PTPRJ: variants seen among roughly 807,000 people sequenced by gnomAD.
PTPRJ encodes the protein protein tyrosine phosphatase receptor type J, also known as receptor-type tyrosine-protein phosphatase eta.
Under a neutral mutation model 141.3 loss-of-function variants are expected in PTPRJ, and 129 were observed. The observed-to-expected ratio is 0.91, with a 90% confidence interval of 0.79 to 1.06. The LOEUF (loss-of-function observed/expected upper bound fraction) is 1.06, where lower values mean the gene tolerates loss of function less well. PTPRJ is among the 50% of genes least tolerant of loss of function. The probability of loss-of-function intolerance (pLI) is 0.00; values close to 1 mark genes in which losing one functional copy is unlikely to be tolerated. For synonymous variants in PTPRJ, 610 were observed against 640.5 expected (o/e 0.95, Z 0.72); for missense variants, 1,601 against 1,679.7 (o/e 0.95, Z 0.82).
chr11:48,014,570 C>T (rs753435424), intron 1 of PTPRJ: 1 of 152,238 alleles, frequency 6.6e-6, no homozygotes, highest in Non-Finnish European at 1.5e-5. Context: ...ATCCCGCTTT[C>T]AAGAACTTCC....
At chr11:48,147,784 T>C (rs892270004) in intron 15 of PTPRJ, among the ~76,000 whole-genome samples, 2 of 152,108 alleles carry the variant, frequency 1.3e-5, no homozygotes, top group Non-Finnish European at 2.9e-5. Context: ...GCCGGTTCCT[T>C]GTGCTGCCAC....
At chr11:48,033,111 A>C (rs1590421040) in intron 1 of PTPRJ, among the ~76,000 whole-genome samples, 1 of 151,548 alleles carries the variant, frequency 6.6e-6, no homozygotes, top group African/African-American at 2.4e-5. Context: ...GAAAGAAGTG[A>C]CATAGGGTAA....
chr11:48,167,838 G>C lies in PTPRJ; in HGVS notation c.*476G>C, dbSNP rs1477297601. ...GTGGATGATGATTGCGCAGGGAGGGGTACGTGGCACCTCTTCCGAATGGGT... is the reference window on the plus strand; with the variant it reads ...GTGGATGATGATTGCGCAGGGAGGGCTACGTGGCACCTCTTCCGAATGGGT... On this transcript the variant is annotated 3_prime_UTR_variant, in exon 25 of 25. Transcript: ENST00000418331. 1 of 152,566 alleles carries C rather than the reference G, an allele frequency of 6.6e-6. No homozygotes were observed. Among genetic ancestry groups the C allele is most frequent in the African/African-American group, 2.4e-5 (1 of 41,432 alleles). 9.5% of individuals were successfully genotyped at this position (152,566 alleles called of 1,614,324 possible). A position where few individuals can be genotyped will look rare whatever the true frequency, so the allele number is the denominator to read the frequency against.
At chr11:48,067,210 C>G (rs1241093380) in intron 1 of PTPRJ, among the ~76,000 whole-genome samples, 1 of 152,152 alleles carries the variant, frequency 6.6e-6, no homozygotes. Flanking sequence ...TTCCTGTGAT[C>G]AAACTCACCC....
At chr11:48,109,724 G>A (rs562064668) in intron 1 of PTPRJ, among the ~76,000 whole-genome samples, 66 of 143,122 alleles carry the variant, frequency 4.6e-4, no homozygotes, top group African/African-American at 1.6e-3. Flanking sequence ...TCAGCTCATC[G>A]CACAGTGGGT....
At chr11:48,081,080 G>C (rs1277115879) in intron 1 of PTPRJ, among the ~76,000 whole-genome samples, 1 of 152,264 alleles carries the variant, frequency 6.6e-6, no homozygotes, top group Non-Finnish European at 1.5e-5. Context: ...TGGGACCCCA[G>C]AATCTGAATT....
At chr11:48,007,296 A>G (rs1854649512) in intron 1 of PTPRJ, among the ~76,000 whole-genome samples, 1 of 149,156 alleles carries the variant, frequency 6.7e-6, no homozygotes, top group South Asian at 2.1e-4. Context: ...TTTTTAGTAG[A>G]GATGGGTTTT....
At chr11:48,165,768 A>T (rs918411952) in intron 24 of PTPRJ, among the ~76,000 whole-genome samples, 2 of 152,202 alleles carry the variant, frequency 1.3e-5, no homozygotes, top group Admixed American at 6.5e-5. Flanking sequence ...AGAAACATAG[A>T]ACTCTTATCC....
chr11:48,149,926 C>T lies in PTPRJ; in HGVS notation c.3042-64C>T, dbSNP rs147814554. 9.4e-5 allele frequency: 120 copies of T among 1,271,160 alleles called. No individual in the cohort carries two copies. The African/African-American group carries it at 1.6e-3, about 17-fold the overall frequency. 78.7% of individuals were successfully genotyped at this position (1,271,160 alleles called of 1,614,324 possible). A position where few individuals can be genotyped will look rare whatever the true frequency, so the allele number is the denominator to read the frequency against. The stretch of plus-strand genomic sequence containing the variant: ...TTGTTTTGGGAAGATTGTTTACTGT[C>T]ATTTCTAGAGTATGAATGAGTCTTT... On this transcript the variant is annotated intron_variant, in intron 16 of 24. Transcript: ENST00000418331.
chr11:48,075,292 C>A (rs960772321), intron 1 of PTPRJ, among the ~76,000 whole-genome samples: 19 of 151,992 alleles, frequency 1.3e-4, no homozygotes, highest in Non-Finnish European at 2.1e-4. Flanking sequence ...TACAGGGGCC[C>A]GCTACCACGC....
Position 48,123,647 on chromosome 11 carries a change from C to T in PTPRJ, c.651C>T (p.Leu217=), listed in dbSNP as rs758018381. The stretch of plus-strand genomic sequence containing the variant: ...CAGTTTCTGATCTCCGTGTTGCCCT[C>T]ACGGGTGTGAGGAAGGCTGCTCTCT... The part of the protein sequence containing the change: ...PIPVSDLRVA[L]TGVRKAALSW... The change falls in exon 5 of 25, where the codon CTC becomes CTT. Residue 217 remains leucine, a synonymous_variant. Coordinates refer to ENST00000418331, the MANE Select transcript of PTPRJ (RefSeq NM_002843.4). The T allele has an allele frequency of 6.8e-6, 11 of 1,614,112 alleles. No individual in the cohort carries two copies. The South Asian group carries it at 1.2e-4, about 18-fold the overall frequency.
chr11:47,980,931 G>C lies in PTPRJ; in HGVS notation c.19G>C (p.Glu7Gln). ...GCGGGGCATGAAGCCGGCGGCGCGG[G>C]AGGCGCGGCTGCCTCCGCGCTCGCC... MKPAAREARLPPRSPGL... is the reference protein window; with the variant it reads MKPAARQARLPPRSPGL... Residue 7 changes from glutamate to glutamine, a missense_variant, in exon 1 of 25, where the codon GAG becomes CAG. Physicochemically the swap from Glu to Gln is conservative, Grantham distance 29. Coordinates refer to ENST00000418331, the MANE Select transcript of PTPRJ (RefSeq NM_002843.4). The C allele has an allele frequency of 8.4e-7, 1 of 1,186,184 alleles. No homozygotes were observed. The highest frequency in any genetic ancestry group is 3.6e-5 in the East Asian group (1 of 27,580). 73.5% of individuals were successfully genotyped at this position (1,186,184 alleles called of 1,614,324 possible).
intron 1 of PTPRJ, among the ~76,000 whole-genome samples, chr11:48,062,301 C>T (rs1186339668): frequency 6.6e-6 from 1 of 151,940 alleles, no homozygotes; most frequent in East Asian, 2.0e-4. Flanking sequence ...ATCATGAGGT[C>T]AGGAGATCGA....
rs183569374 is a variant in PTPRJ, at chr11:48,056,902, C to T, written c.97-53156C>T. ...CCGGGAGGAGGAGGTTGCAGTGAGC[C>T]GAGATTGTGCTATAGCACTCCATTC... On this transcript the variant is annotated intron_variant, in intron 1 of 24. Transcript: ENST00000418331. Among the ~76,000 whole-genome samples the T allele has an allele frequency of 5.2e-3, 789 of 152,230 alleles. 32 individuals are homozygous for T. Among genetic ancestry groups the T allele is most frequent in the Admixed American group, 0.05 (761 of 15,290 alleles).
chr11:48,033,264 G>T (rs1376331112), intron 1 of PTPRJ, among the ~76,000 whole-genome samples: 2 of 152,106 alleles, frequency 1.3e-5, no homozygotes, highest in Non-Finnish European at 2.9e-5. Flanking sequence ...TTGGTGGGAA[G>T]TGGAATGAGC....
At chr11:48,097,333 A>G (rs909791721) in intron 1 of PTPRJ, among the ~76,000 whole-genome samples, 1 of 152,144 alleles carries the variant, frequency 6.6e-6, no homozygotes, top group South Asian at 2.1e-4. Context: ...AGGGAATTTG[A>G]GGTATGTTGA....
At chr11:48,093,089 T>G (rs1236016430) in intron 1 of PTPRJ, among the ~76,000 whole-genome samples, 2 of 152,370 alleles carry the variant, frequency 1.3e-5, no homozygotes, top group East Asian at 3.9e-4. Context: ...CAACTCAGTG[T>G]GTTACTCTCG....
At chr11:48,136,674 T>A (rs1857109206) in intron 9 of PTPRJ, among the ~76,000 whole-genome samples, 1 of 152,232 alleles carries the variant, frequency 6.6e-6, no homozygotes, top group Admixed American at 6.5e-5. Context: ...ATTAAATACA[T>A]GGTAAAGATG....
intron 2 of PTPRJ, among the ~76,000 whole-genome samples, chr11:48,111,298 A>G (rs1856433026): frequency 2.7e-5 from 4 of 150,680 alleles, no homozygotes; most frequent in Admixed American, 2.6e-4. Flanking sequence ...AAAAAAAAAA[A>G]AAAAAATTAA....
Sources: gnomAD v4.1 joint callset for allele counts (sites outside exome capture counted in the v4.1 genomes callset) on GRCh38, gnomAD v4.1.1 for gene constraint, MANE v1.5 for transcripts, NCBI Gene and HGNC (gene_info 2026-07-23, HGNC 2026-07-21) for gene names.